The following DNAAF11 variants were observed in gnomAD, a reference collection of about 807,000 sequenced individuals.
DNAAF11 encodes dynein axonemal assembly factor 11, also known as leucine rich repeat containing 6.
In DNAAF11, 45 loss-of-function variants were observed where a neutral mutation model predicts 60.8. The ratio of observed to expected loss-of-function variants is 0.74; its 90% CI spans 0.58 to 0.95. The LOEUF (loss-of-function observed/expected upper bound fraction) is 0.95. Among genes scored for constraint, DNAAF11 ranks in the 40% least tolerant of loss-of-function variants. The pLI is 0.00. For synonymous variants in DNAAF11, 191 were observed against 183.5 expected (o/e 1.04, Z -0.33); for missense variants, 546 against 546.2 (o/e 1.00, Z 0.00).
intron 10 of DNAAF11, among the ~76,000 whole-genome samples, chr8:132,600,504 C>G (rs1233724711): frequency 1.3e-5 from 2 of 152,158 alleles, no homozygotes; most frequent in Non-Finnish European, 2.9e-5. Flanking sequence ...GGAGGCATCA[C>G]GCTACCTGAC....
chr8:132,616,688 TCC>T (rs1819194488), intron 7 of DNAAF11, among the ~76,000 whole-genome samples: 1 of 152,144 alleles, frequency 6.6e-6, no homozygotes, highest in African/African-American at 2.4e-5. Flanking sequence ...CTCTCTTATA[TCC>T]ACCCAGTGAT....
At chr8:132,657,801 A>G (rs1434307053) in intron 2 of DNAAF11, among the ~76,000 whole-genome samples, 2 of 152,222 alleles carry the variant, frequency 1.3e-5, no homozygotes, top group African/African-American at 2.4e-5. Flanking sequence ...TAATAACCCT[A>G]TGAGGTCAAA....
chr8:132,652,790 G>C (rs11784684), intron 3 of DNAAF11, among the ~76,000 whole-genome samples: 1 of 151,918 alleles, frequency 6.6e-6, no homozygotes, highest in African/African-American at 2.4e-5. Flanking sequence ...AGGGCCTGTC[G>C]GGGGTTGGGG....
chr8:132,675,610 G>A (rs1225859945), upstream of DNAAF11: 4 of 1,120,082 alleles, frequency 3.6e-6, no homozygotes, highest in African/African-American at 6.4e-5. Flanking sequence ...CATGGCAACG[G>A]GGACTCTACG....
At chr8:132,598,740 C>T (rs1817279441) in intron 10 of DNAAF11, among the ~76,000 whole-genome samples, 1 of 152,238 alleles carries the variant, frequency 6.6e-6, no homozygotes, top group African/African-American at 2.4e-5. Flanking sequence ...AACAAAGACA[C>T]AACATACCAG....
At chr8:132,701,358 T>C in the DNAAF11 span, among the ~76,000 whole-genome samples, 34 of 152,252 alleles carry the variant, frequency 2.2e-4, 1 homozygote, top group South Asian at 6.2e-4. Context: ...ACAGAGGAAA[T>C]GATCTTTTCC....
At chr8:132,591,817 A>G (rs1816496809) in intron 10 of DNAAF11, among the ~76,000 whole-genome samples, 1 of 152,084 alleles carries the variant, frequency 6.6e-6, no homozygotes, top group Non-Finnish European at 1.5e-5. Flanking sequence ...TTGACATACA[A>G]CTCTTAGATT....
chr8:132,625,743 ACTG>A (rs1356534126), intron 5 of DNAAF11, among the ~76,000 whole-genome samples: 2 of 152,314 alleles, frequency 1.3e-5, no homozygotes, highest in South Asian at 2.1e-4. Context: ...CACAGACCTG[ACTG>A]CTAAGAATCA....
intron 10 of DNAAF11, among the ~76,000 whole-genome samples, chr8:132,600,026 A>G (rs1470369165): frequency 6.6e-6 from 1 of 152,204 alleles, no homozygotes; most frequent in African/African-American, 2.4e-5. Flanking sequence ...AGAAAACCCC[A>G]TCATCTCAGC....
chr8:132,686,244 A>T, the DNAAF11 span, among the ~76,000 whole-genome samples: 7 of 152,130 alleles, frequency 4.6e-5, no homozygotes, highest in Admixed American at 3.9e-4. Flanking sequence ...TCCCAGAGAG[A>T]GAAAAATGCA....
At chr8:132,686,843 T>G in the DNAAF11 span, among the ~76,000 whole-genome samples, 2 of 152,148 alleles carry the variant, frequency 1.3e-5, no homozygotes, top group East Asian at 3.9e-4. Flanking sequence ...AAATAAAGAT[T>G]TGGAGCATGT....
At chr8:132,669,514 T>C (rs1249622042) in intron 1 of DNAAF11, among the ~76,000 whole-genome samples, 1 of 152,204 alleles carries the variant, frequency 6.6e-6, no homozygotes, top group Non-Finnish European at 1.5e-5. Flanking sequence ...TATATTGTAT[T>C]GTATAAAGGC....
At chr8:132,585,259 G>C (rs1256817838) in intron 10 of DNAAF11, among the ~76,000 whole-genome samples, 1 of 152,178 alleles carries the variant, frequency 6.6e-6, no homozygotes, top group Non-Finnish European at 1.5e-5. Flanking sequence ...AGTGGTGCAA[G>C]ACTAGTCTTT....
intron 3 of DNAAF11, among the ~76,000 whole-genome samples, chr8:132,641,272 C>T (rs1164998173): frequency 6.6e-6 from 1 of 152,096 alleles, no homozygotes; most frequent in African/African-American, 2.4e-5. Flanking sequence ...TAGACATTGT[C>T]TTTTCTTTGG....
At chr8:132,685,235 G>C in the DNAAF11 span, 23 of 152,220 alleles carry the variant, frequency 1.5e-4, no homozygotes, top group Middle Eastern at 0.014. Flanking sequence ...TAGAAAACGT[G>C]GTATCCACAA....
chr8:132,697,168 G>A, the DNAAF11 span, among the ~76,000 whole-genome samples: 1 of 152,200 alleles, frequency 6.6e-6, no homozygotes, highest in African/African-American at 2.4e-5. Flanking sequence ...TGGGGCTGAA[G>A]GATGGGAATG....
chr8:132,628,956 G>A (rs1321706429), intron 5 of DNAAF11, among the ~76,000 whole-genome samples: 1 of 152,110 alleles, frequency 6.6e-6, no homozygotes, highest in Admixed American at 6.6e-5. Flanking sequence ...ATCAGACAAG[G>A]ATATTATAGC....
At chr8:132,623,063 T>C (rs1379037598) in intron 6 of DNAAF11, among the ~76,000 whole-genome samples, 1 of 152,220 alleles carries the variant, frequency 6.6e-6, no homozygotes, top group Non-Finnish European at 1.5e-5. Flanking sequence ...ACAGAGCTTC[T>C]GCTTTAGCTA....
rs756215304 is a variant in DNAAF11, at chr8:132,583,703, G to C, written c.1217C>G (p.Thr406Arg). The C allele has an allele frequency of 4.3e-6, 7 of 1,613,032 alleles. No individual in the cohort carries two copies. The highest frequency in any genetic ancestry group is 1.6e-4 in the Middle Eastern group (1 of 6,078). The change falls in exon 11 of 12, where the codon ACA becomes AGA. Residue 406 changes from threonine (T) to arginine (R), a missense_variant. Coordinates refer to ENST00000620350, the MANE Select transcript of DNAAF11 (RefSeq NM_012472.6). ...KTTSDRSREQ[T>R]NTRSKHMEKL... ...TCTGGGAGGGTGGTACCTTGTATTT[G>C]TTTGTTCTCTGCTCCTGTCCGAGGT...
Sources: allele counts gnomAD v4.1 joint callset (sites outside exome capture counted in the v4.1 genomes callset), GRCh38; gene constraint gnomAD v4.1.1; transcripts MANE v1.5; gene names NCBI Gene and HGNC (gene_info 2026-07-23, HGNC 2026-07-21).